PTK2B: variants seen among roughly 807,000 people sequenced by gnomAD.
PTK2B encodes protein tyrosine kinase 2 beta.
In PTK2B, 71 loss-of-function variants were observed where a neutral mutation model predicts 142.9. The observed-to-expected ratio is 0.50, with a 90% CI of 0.41 to 0.61. PTK2B has a LOEUF of 0.61. Ranked by LOEUF, PTK2B falls within the 20% of genes least tolerant of loss-of-function variation. The pLI is 0.00. For synonymous variants in PTK2B, 519 were observed against 503.4 expected (o/e 1.03, Z -0.42); for missense variants, 1,105 against 1,320.4 (o/e 0.84, Z 2.53).
chr8:27,390,512 G>A (rs1277812252), intron 1 of PTK2B, among the ~76,000 whole-genome samples: 1 of 152,004 alleles, frequency 6.6e-6, no homozygotes, highest in Non-Finnish European at 1.5e-5. Flanking sequence ...ATGGTGGCAT[G>A]TACCTGTAGT....
At chr8:27,416,730 C>A (rs2131754790) in intron 2 of PTK2B, among the ~76,000 whole-genome samples, 1 of 152,212 alleles carries the variant, frequency 6.6e-6, no homozygotes, top group Non-Finnish European at 1.5e-5. Flanking sequence ...ATACTTTTAC[C>A]TAGAATGTAT....
intron 1 of PTK2B, among the ~76,000 whole-genome samples, chr8:27,349,767 G>A (rs1424851462): frequency 6.6e-6 from 1 of 152,216 alleles, no homozygotes; most frequent in Non-Finnish European, 1.5e-5. Flanking sequence ...TTTTGCACCT[G>A]TAAAATGAAA....
intron 2 of PTK2B, among the ~76,000 whole-genome samples, chr8:27,399,227 A>T (rs192503521): frequency 1.3e-5 from 2 of 152,342 alleles, no homozygotes; most frequent in African/African-American, 4.8e-5. Flanking sequence ...AACAGAGAGC[A>T]GCAGGTTAGT....
At chr8:27,355,192 G>A (rs1453697059) in intron 1 of PTK2B, among the ~76,000 whole-genome samples, 1 of 152,208 alleles carries the variant, frequency 6.6e-6, no homozygotes, top group Non-Finnish European at 1.5e-5. Context: ...TAAGGATAGT[G>A]GAATGGGGAG....
chr8:27,358,366 T>C (rs966376936), intron 1 of PTK2B, among the ~76,000 whole-genome samples: 1 of 152,234 alleles, frequency 6.6e-6, no homozygotes, highest in African/African-American at 2.4e-5. Flanking sequence ...GTCTGTGTTT[T>C]GGTGCATATA....
upstream of PTK2B, among the ~76,000 whole-genome samples, chr8:27,321,864 A>G (rs1457150550): frequency 6.6e-6 from 1 of 152,220 alleles, no homozygotes; most frequent in African/African-American, 2.4e-5. Flanking sequence ...TATTCAAGCC[A>G]TACTCAACTT....
chr8:27,420,146 C>G, intron 3 of PTK2B, 73 bp downstream of exon 3: 1 of 1,549,068 alleles, frequency 6.5e-7, no homozygotes, highest in Non-Finnish European at 8.8e-7. Flanking sequence ...GGGAGTTTCT[C>G]CCTTAGAGCA....
chr8:27,442,881 T>G lies in PTK2B; in HGVS notation c.2046T>G (p.Val682=). 6.2e-7 allele frequency: 1 copy of G among 1,613,852 alleles called. No individual in the cohort carries two copies. The highest frequency in any genetic ancestry group is 8.5e-7 in the Non-Finnish European group (1 of 1,179,740). The change falls in exon 22 of 31, where the codon GTT becomes GTG. Residue 682 remains valine (V), a synonymous_variant. Coordinates refer to ENST00000346049, the MANE Select transcript of PTK2B (RefSeq NM_173176.3). The part of the protein sequence containing the change: ...FTELVCSLSD[V]YQMEKDIAME... ...CTGACGTGACTCCCTGCAGTGACGT[T>G]TATCAGATGGAGAAGGACATTGCCA...
intron 5 of PTK2B, among the ~76,000 whole-genome samples, chr8:27,423,738 G>A (rs1809903565): frequency 6.6e-6 from 1 of 152,288 alleles, no homozygotes; most frequent in Non-Finnish European, 1.5e-5. Flanking sequence ...AGAGAATGCT[G>A]GGGAGTCCTC....
intron 1 of PTK2B, among the ~76,000 whole-genome samples, chr8:27,340,470 G>T (rs1348782501): frequency 2.6e-5 from 4 of 152,248 alleles, no homozygotes; most frequent in African/African-American, 4.8e-5. Flanking sequence ...GGATCTAGCA[G>T]GAGCACGGTG....
rs1035159525 is a variant in PTK2B at position 27,370,602 on chromosome 8, T to A, written c.-37-26946T>A. Reference sequence around the variant, plus strand: ...CACTCACCACCCATCCTCTATCTGCTGATCTGCTGTGTAGCTTCATCCACA... The same window carrying A: ...CACTCACCACCCATCCTCTATCTGCAGATCTGCTGTGTAGCTTCATCCACA... On this transcript the variant is annotated intron_variant, in intron 1 of 30. Coordinates refer to ENST00000346049, the MANE Select transcript of PTK2B (RefSeq NM_173176.3). Among the ~76,000 whole-genome samples the A allele has an allele frequency of 5.9e-5, 9 of 152,334 alleles. No individual in the cohort carries two copies. In the South Asian group the frequency reaches 8.3e-4, roughly 14 times the overall value.
rs1007531277 is a variant in PTK2B at position 27,459,146 on chromosome 8, CAG to C, written c.*638_*639del. The C allele has an allele frequency of 1.7e-4, 40 of 236,918 alleles. No homozygotes were observed. Among genetic ancestry groups the C allele is most frequent in the Non-Finnish European group, 2.6e-4 (31 of 120,024 alleles). 14.7% of individuals were successfully genotyped at this position (236,918 alleles called of 1,614,324 possible). A position where few individuals can be genotyped will look rare whatever the true frequency, so the allele number is the denominator to read the frequency against. On this transcript the variant is annotated 3_prime_UTR_variant, in exon 31 of 31. Transcript: ENST00000346049. ...GCTGTGTTGTCAACAAACCAAGCAT[CAG>C]GGGGAAGAAGCAGAGAGATGCGGCC... is the stretch of plus-strand genomic sequence containing the variant.
intron 1 of PTK2B, chr8:27,395,935 A>G (rs1808021808): frequency 6.6e-6 from 1 of 152,190 alleles, no homozygotes; most frequent in South Asian, 2.1e-4. Flanking sequence ...TGTCCAGCAG[A>G]TGTTTGTTGG....
At chr8:27,324,206 C>CTGACCACCTT (rs1428973582), upstream of PTK2B, among the ~76,000 whole-genome samples, 1 of 152,220 alleles carries the variant, frequency 6.6e-6, no homozygotes, top group African/African-American at 2.4e-5. Flanking sequence ...CCTCTCCATC[C>CTGACCACCTT]CTGGCCAAGT....
chr8:27,348,823 C>T (rs1210157774), intron 1 of PTK2B, among the ~76,000 whole-genome samples: 2 of 152,066 alleles, frequency 1.3e-5, no homozygotes, highest in Non-Finnish European at 2.9e-5. Context: ...AGAATCCTCT[C>T]TACTCCCACG....
rs1309858373 is a variant in PTK2B at position 27,454,187 on chromosome 8, G to A, written c.2629G>A (p.Asp877Asn). 18 of 1,613,994 alleles carry A rather than the reference G, an allele frequency of 1.1e-5. No homozygotes were observed. The highest frequency in any genetic ancestry group is 5.5e-5 in the South Asian group (5 of 91,082). Residue 877 changes from aspartate to asparagine, a missense_variant, in exon 29 of 31, where the codon GAT (aspartate) becomes AAT (asparagine). By Grantham distance (23) the Asp-to-Asn change is conservative. Coordinates refer to ENST00000346049, the MANE Select transcript of PTK2B (RefSeq NM_173176.3). The part of the protein sequence containing the change: ...IQPTANLDRT[D>N]DLVYLNVMEL... Reference sequence around the variant, plus strand: ...GCCCACAGCTAACCTGGACCGGACTGATGACCTGGTGTACCTCAATGTCAT... The same window carrying A: ...GCCCACAGCTAACCTGGACCGGACTAATGACCTGGTGTACCTCAATGTCAT...
At chr8:27,449,173 A>T (rs1259782152) in intron 24 of PTK2B, among the ~76,000 whole-genome samples, 1 of 152,238 alleles carries the variant, frequency 6.6e-6, no homozygotes, top group South Asian at 2.1e-4. Flanking sequence ...TGGTCTGACT[A>T]GTATTTACTT....
chr8:27,370,520 C>G (rs1806288506), intron 1 of PTK2B, among the ~76,000 whole-genome samples: 1 of 152,254 alleles, frequency 6.6e-6, no homozygotes, highest in Admixed American at 6.5e-5. Flanking sequence ...TCCTTTCCCT[C>G]TCTTGTCCCT....
intron 1 of PTK2B, among the ~76,000 whole-genome samples, chr8:27,367,589 A>G (rs763943349): frequency 3.9e-5 from 6 of 152,168 alleles, no homozygotes; most frequent in Non-Finnish European, 8.8e-5. Flanking sequence ...ATTTCTTTGC[A>G]TTGTTGTAGC....
Sources: gnomAD v4.1 joint callset for allele counts (sites outside exome capture counted in the v4.1 genomes callset) on GRCh38, gnomAD v4.1.1 for gene constraint, MANE v1.5 for transcripts, NCBI Gene and HGNC (gene_info 2026-07-23, HGNC 2026-07-21) for gene names.